Variants in FSD1L observed in about 807,000 individuals in gnomAD.
FSD1L encodes the protein fibronectin type III and SPRY domain containing 1 like.
A neutral mutation model predicts 71.6 loss-of-function variants in FSD1L; 45 were observed. That is an observed-to-expected ratio of 0.63 (90% confidence interval 0.49 to 0.81). The LOEUF is 0.81. FSD1L is among the 30% of genes least tolerant of loss of function. FSD1L has a pLI of 0.00. For synonymous variants in FSD1L, 197 were observed against 207.2 expected, an observed-to-expected ratio of 0.95 and a Z score of 0.42; for missense variants, 561 against 618.1, an observed-to-expected ratio of 0.91 and a Z score of 0.98.
intron 11 of FSD1L, among the ~76,000 whole-genome samples, chr9:105,534,834 G>T (rs1395915556): frequency 6.6e-6 from 1 of 152,126 alleles, no homozygotes; most frequent in Non-Finnish European, 1.5e-5. Context: ...CGGGAGGGGG[G>T]ATAGTAAGGA....
At chr9:105,532,594 C>T (rs1835964800) in intron 10 of FSD1L, among the ~76,000 whole-genome samples, 1 of 152,132 alleles carries the variant, frequency 6.6e-6, no homozygotes, top group Non-Finnish European at 1.5e-5. Context: ...TTTGCTGTCC[C>T]CGTACCCAAT....
intron 7 of FSD1L, among the ~76,000 whole-genome samples, chr9:105,490,964 G>C (rs1367531505): frequency 6.7e-6 from 1 of 149,068 alleles, no homozygotes; most frequent in Non-Finnish European, 1.5e-5. Context: ...TGTTCTTTTG[G>C]CTTAGGATTG....
chr9:105,474,716 A>G (rs970716492), intron 5 of FSD1L, among the ~76,000 whole-genome samples: 1 of 152,250 alleles, frequency 6.6e-6, no homozygotes, highest in African/African-American at 2.4e-5. Context: ...TGAGGACAAA[A>G]AAATAGCATA....
intron 10 of FSD1L, chr9:105,522,200 G>A: frequency 6.2e-7 from 1 of 1,613,906 alleles, no homozygotes; most frequent in African/African-American, 1.3e-5. Context: ...TGTCAGTATT[G>A]TCATCGTTGA....
intron 12 of FSD1L, among the ~76,000 whole-genome samples, chr9:105,538,376 T>G (rs1157462586): frequency 6.6e-6 from 1 of 152,164 alleles, no homozygotes; most frequent in Non-Finnish European, 1.5e-5. Flanking sequence ...TCCTCTTTGG[T>G]GGCAGTTGAT....
intron 10 of FSD1L, among the ~76,000 whole-genome samples, chr9:105,518,197 C>T (rs936855781): frequency 6.6e-6 from 1 of 152,140 alleles, no homozygotes; most frequent in African/African-American, 2.4e-5. Flanking sequence ...ATTAGACTCC[C>T]ATACAGTAAT....
chr9:105,546,288 A>G, intron 13 of FSD1L, 70 bp from the exon 14 acceptor site: 1 of 1,432,996 alleles, frequency 7.0e-7, no homozygotes, highest in Admixed American at 2.7e-5. Context: ...TGCCTTTGAA[A>G]TGGAAATTTA....
chr9:105,448,482 C>T (rs1829769953), intron 1 of FSD1L, among the ~76,000 whole-genome samples: 1 of 152,242 alleles, frequency 6.6e-6, no homozygotes, highest in Non-Finnish European at 1.5e-5. Flanking sequence ...GGGGCCCTGA[C>T]TCTGGAGGAG....
chr9:105,519,805 G>A (rs568574123), intron 10 of FSD1L, among the ~76,000 whole-genome samples: 45 of 152,226 alleles, frequency 3.0e-4, no homozygotes, highest in African/African-American at 9.9e-4. Context: ...CCGGGGCCCC[G>A]GCCTGTGGCG....
chr9:105,443,362 C>T (rs756033215), upstream of FSD1L, among the ~76,000 whole-genome samples: 1 of 152,184 alleles, frequency 6.6e-6, no homozygotes, highest in Non-Finnish European at 1.5e-5. Context: ...TTTCATAAAA[C>T]CATCAGCTCT....
chr9:105,534,490 T>C lies in FSD1L; in HGVS notation c.1026-3T>C, dbSNP rs1407839161. On this transcript the variant is annotated splice_region_variant and splice_polypyrimidine_tract_variant and intron_variant, in intron 10 of 13. Coordinates refer to ENST00000481272, the MANE Select transcript of FSD1L (RefSeq NM_001145313.3). Reference sequence around the variant, plus strand: ...TTTTTCTTTTTTCTTTTTGTTTATATAGAAGTGGTACACCATCCCCAAAAC... The same window carrying C: ...TTTTTCTTTTTTCTTTTTGTTTATACAGAAGTGGTACACCATCCCCAAAAC... The C allele has an allele frequency of 6.7e-7, 1 of 1,498,592 alleles. No individual in the cohort carries two copies. The highest frequency in any genetic ancestry group is 2.0e-5 in the Admixed American group (1 of 49,908). The allele number at this position is 1,498,592 out of a possible 1,614,324, so 92.8% of individuals were successfully genotyped here. A position where few individuals can be genotyped will look rare whatever the true frequency, so the allele number is the denominator to read the frequency against.
chr9:105,546,607 T>G lies in FSD1L; in HGVS notation c.*124T>G, dbSNP rs988576656. On this transcript the variant is annotated 3_prime_UTR_variant, in exon 14 of 14. Coordinates refer to ENST00000481272, the MANE Select transcript of FSD1L (RefSeq NM_001145313.3). ...CTGTGTTCTGCTTTGAGGCCTGGAA[T>G]CTTTTATCATTAAACACCTAGTACG... The G allele has an allele frequency of 6.6e-6, 6 of 912,286 alleles. No homozygotes were observed. Among genetic ancestry groups the G allele is most frequent in the Non-Finnish European group, 9.3e-6 (6 of 642,672 alleles). The allele number at this position is 912,286 out of a possible 1,614,324, so 56.5% of individuals were successfully genotyped here.
At chr9:105,524,860 A>G (rs1835409763) in intron 10 of FSD1L, 1 of 1,577,848 alleles carries the variant, frequency 6.3e-7, no homozygotes, top group East Asian at 2.2e-5. Context: ...GTGTGTGAAA[A>G]TCACGACAAT....
rs190579118 is a variant in FSD1L at position 105,525,963 on chromosome 9, A to C, written c.1026-8530A>C. On this transcript the variant is annotated intron_variant, in intron 10 of 13. Transcript: ENST00000481272. ...AATTGAGACATTTGGGAAATGATGAAGTGCACATTGTTTGGTCAGAGCATA... is the reference window on the plus strand; with the variant it reads ...AATTGAGACATTTGGGAAATGATGACGTGCACATTGTTTGGTCAGAGCATA... The C allele has an allele frequency of 5.9e-5, 91 of 1,530,730 alleles. No homozygotes were observed. In the East Asian group the frequency reaches 6.1e-4, roughly 10 times the overall value. 94.8% of individuals were successfully genotyped at this position (1,530,730 alleles called of 1,614,324 possible).
At chr9:105,499,878 A>G (rs7857186) in intron 7 of FSD1L, among the ~76,000 whole-genome samples, 19,605 of 152,028 alleles carry the variant, frequency 0.13, 1,694 homozygotes, top group East Asian at 0.49. Flanking sequence ...GTTTCTTCCA[A>G]TCTTTTTTGT....
Position 105,549,844 on chromosome 9 carries a change from T to A in FSD1L, c.*3361T>A, listed in dbSNP as rs1837196093. ...TTGTCCATAAAATTATAATTGTTTATGTAATTTTATTGTTTCTTATGGAAA... is the reference window on the plus strand; with the variant it reads ...TTGTCCATAAAATTATAATTGTTTAAGTAATTTTATTGTTTCTTATGGAAA... On this transcript the variant is annotated 3_prime_UTR_variant, in exon 14 of 14. Coordinates refer to ENST00000481272, the MANE Select transcript of FSD1L (RefSeq NM_001145313.3). 6.6e-6 allele frequency: 1 copy of A among 152,032 alleles called. No individual in the cohort carries two copies. The highest frequency in any genetic ancestry group is 2.1e-4 in the South Asian group (1 of 4,834). 9.4% of individuals were successfully genotyped at this position (152,032 alleles called of 1,614,324 possible). A position where few individuals can be genotyped will look rare whatever the true frequency, so the allele number is the denominator to read the frequency against.
chr9:105,522,437 C>G lies in FSD1L; in HGVS notation c.1025+9501C>G, dbSNP rs1835230603. The G allele has an allele frequency of 4.3e-6, 7 of 1,613,440 alleles. No individual in the cohort carries two copies. In the South Asian group the frequency reaches 5.5e-5, roughly 13 times the overall value. ...GGAGTCGTGATCAGCCTGGCCAAGCCCCAATGAGACAGAGGAGTGCAACAA... is the reference window on the plus strand; with the variant it reads ...GGAGTCGTGATCAGCCTGGCCAAGCGCCAATGAGACAGAGGAGTGCAACAA... On this transcript the variant is annotated intron_variant, in intron 10 of 13. Transcript: ENST00000481272.
chr9:105,491,991 T>C (rs146292439), intron 7 of FSD1L, among the ~76,000 whole-genome samples: 1,796 of 152,116 alleles, frequency 0.012, 59 homozygotes, highest in African/African-American at 0.042. Flanking sequence ...CCGGCTTTGG[T>C]ATCAGGATGA....
At chr9:105,530,926 C>CA (rs1835853735) in intron 10 of FSD1L, 1 of 198,328 alleles carries the variant, frequency 5.0e-6, no homozygotes, top group East Asian at 1.2e-4. Context: ...ACTGAGGATA[C>CA]AGAGATGAGA....
Sources: allele counts gnomAD v4.1 joint callset (sites outside exome capture counted in the v4.1 genomes callset), GRCh38; gene constraint gnomAD v4.1.1; transcripts MANE v1.5; gene names NCBI Gene and HGNC (gene_info 2026-07-23, HGNC 2026-07-21).